ANKRD30B: variants seen among roughly 807,000 people sequenced by gnomAD.
ANKRD30B encodes ankyrin repeat domain-containing protein 30B.
ANKRD30B carries 144 observed loss-of-function variants against 202.2 expected under a neutral mutation model. The observed-to-expected ratio is 0.71, with a 90% CI of 0.62 to 0.82. The LOEUF (loss-of-function observed/expected upper bound fraction) is 0.82. ANKRD30B is among the 40% of genes least tolerant of loss of function. The pLI is 0.00. For synonymous variants in ANKRD30B, 508 were observed against 561.3 expected (o/e 0.91, Z 1.34); for missense variants, 1,487 against 1,669.1 (o/e 0.89, Z 1.90).
At chr18:14,913,596 T>C in the ANKRD30B span, among the ~76,000 whole-genome samples, 1 of 152,250 alleles carries the variant, frequency 6.6e-6, no homozygotes, top group Non-Finnish European at 1.5e-5. Flanking sequence ...TAGAGGCTTA[T>C]TACGTGGCAA....
chr18:14,817,352 G>C (rs1970168921), intron 30 of ANKRD30B, among the ~76,000 whole-genome samples: 2 of 152,108 alleles, frequency 1.3e-5, no homozygotes, highest in African/African-American at 4.8e-5. Context: ...AAAAACTCCA[G>C]TGTACACCTT....
At chr18:14,783,029 T>C (rs1330607566) in intron 12 of ANKRD30B, among the ~76,000 whole-genome samples, 1 of 152,148 alleles carries the variant, frequency 6.6e-6, no homozygotes, top group Non-Finnish European at 1.5e-5. Flanking sequence ...TATAAAATGA[T>C]CTTCTGGTCC....
chr18:14,750,675 C>A (rs1271410128), intron 1 of ANKRD30B, among the ~76,000 whole-genome samples: 2 of 152,096 alleles, frequency 1.3e-5, no homozygotes, highest in South Asian at 2.1e-4. Flanking sequence ...AAAAAGAATC[C>A]ATTTAATGGC....
chr18:14,870,802 C>T, the ANKRD30B span, among the ~76,000 whole-genome samples: 1 of 152,120 alleles, frequency 6.6e-6, no homozygotes, highest in East Asian at 1.9e-4. Flanking sequence ...CAGAGGTTTC[C>T]CTTGGCCCCT....
the ANKRD30B span, among the ~76,000 whole-genome samples, chr18:14,938,441 C>T: frequency 1.7e-3 from 262 of 152,312 alleles, no homozygotes; most frequent in African/African-American, 5.8e-3. Flanking sequence ...CATCTTCCAC[C>T]CCCAACCCAT....
chr18:14,860,452 C>T, the ANKRD30B span, among the ~76,000 whole-genome samples: 1 of 123,602 alleles, frequency 8.1e-6, no homozygotes, highest in African/African-American at 3.1e-5. Flanking sequence ...TCCTCACCTC[C>T]CAGACATTGG....
intron 22 of ANKRD30B, among the ~76,000 whole-genome samples, chr18:14,799,814 G>A (rs1393367819): frequency 6.6e-6 from 1 of 151,974 alleles, no homozygotes; most frequent in African/African-American, 2.4e-5. Context: ...TAGATACACT[G>A]TTTCAGAAGT....
In ANKRD30B at chr18:14,853,836, T is replaced by C. The variant is rs1391467715; in HGVS notation, c.4504T>C (p.Leu1502=). 6.6e-6 allele frequency among the ~76,000 whole-genome samples: 1 copy of C among 152,056 alleles called. No individual in the cohort carries two copies. Among genetic ancestry groups the C allele is most frequent in the African/African-American group, 2.4e-5 (1 of 41,408 alleles). ...EVIVRQLQKK[L]ADLNKQCEAS... is the part of the protein sequence containing the mutation. ...CATTGTGAGACAACTTCAAAAAAAA[T>C]TGGCGGATCTTAATAAACAGTGTGA... The change falls in exon 43 of 44, where the codon TTG becomes CTG. Residue 1502 remains leucine (L), a synonymous_variant. Transcript: ENST00000690538.
chr18:14,925,087 C>A, the ANKRD30B span, among the ~76,000 whole-genome samples: 1 of 152,298 alleles, frequency 6.6e-6, no homozygotes, highest in African/African-American at 2.4e-5. Context: ...AGCCCTTGTT[C>A]CCCCATCAGT....
chr18:14,927,699 C>G, the ANKRD30B span, among the ~76,000 whole-genome samples: 1 of 152,180 alleles, frequency 6.6e-6, no homozygotes, highest in Non-Finnish European at 1.5e-5. Context: ...AGCAATTCCC[C>G]ATAAACTCCA....
intron 4 of ANKRD30B, among the ~76,000 whole-genome samples, chr18:14,755,381 T>G (rs1211019351): frequency 6.6e-6 from 1 of 152,112 alleles, no homozygotes; most frequent in Non-Finnish European, 1.5e-5. Flanking sequence ...CTCTTTTTTA[T>G]ACACTTTTTT....
At chr18:14,798,148 G>T (rs1598637796) in intron 20 of ANKRD30B, among the ~76,000 whole-genome samples, 1 of 151,094 alleles carries the variant, frequency 6.6e-6, no homozygotes, top group African/African-American at 2.4e-5. Flanking sequence ...AATAGACACA[G>T]ACAAGATAGT....
chr18:14,892,341 C>T, the ANKRD30B span, among the ~76,000 whole-genome samples: 1 of 152,210 alleles, frequency 6.6e-6, no homozygotes, highest in Non-Finnish European at 1.5e-5. Flanking sequence ...AGACATCTTC[C>T]CTTTTTGGTC....
At chr18:14,835,299 T>G (rs1269375576) in intron 34 of ANKRD30B, among the ~76,000 whole-genome samples, 1 of 151,604 alleles carries the variant, frequency 6.6e-6, no homozygotes, top group African/African-American at 2.4e-5. Flanking sequence ...ATCAAATGAA[T>G]GTAATCAGTA....
chr18:14,757,163 C>A (rs1914499497), intron 4 of ANKRD30B, among the ~76,000 whole-genome samples: 1 of 151,896 alleles, frequency 6.6e-6, no homozygotes, highest in Non-Finnish European at 1.5e-5. Flanking sequence ...TAAGATAAGC[C>A]ATAGGTGAAT....
chr18:14,854,955 G>A (rs1282447547), downstream of ANKRD30B, among the ~76,000 whole-genome samples: 1 of 152,008 alleles, frequency 6.6e-6, no homozygotes, highest in East Asian at 1.9e-4. Context: ...TTCTTGGAGA[G>A]GGGGATGTGG....
intron 16 of ANKRD30B, among the ~76,000 whole-genome samples, chr18:14,794,405 G>T (rs1270852704): frequency 6.6e-6 from 1 of 151,348 alleles, no homozygotes; most frequent in Non-Finnish European, 1.5e-5. Context: ...AAAGGTCAAA[G>T]CCAGCTATTT....
chr18:14,827,949 T>G (rs1242125772), intron 32 of ANKRD30B, among the ~76,000 whole-genome samples: 1 of 152,202 alleles, frequency 6.6e-6, no homozygotes, highest in Non-Finnish European at 1.5e-5. Flanking sequence ...AATAATAATT[T>G]TACTATAGTC....
chr18:14,754,752 G>T (rs1914059512), intron 3 of ANKRD30B, 147 bp from the exon 4 acceptor site: 2 of 510,362 alleles, frequency 3.9e-6, no homozygotes, highest in South Asian at 1.2e-4. Flanking sequence ...GGAAAGCACA[G>T]AAAAAGGAGA....
Sources: gnomAD v4.1 joint callset for allele counts (sites outside exome capture counted in the v4.1 genomes callset) on GRCh38, gnomAD v4.1.1 for gene constraint, MANE v1.5 for transcripts, NCBI Gene and HGNC (gene_info 2026-07-23, HGNC 2026-07-21) for gene names.